AGBL1: variants seen among roughly 807,000 people sequenced by gnomAD.
The protein encoded by AGBL1 is cytosolic carboxypeptidase 4.
AGBL1 carries 130 observed loss-of-function variants against 118.9 expected under a neutral mutation model. That is an observed-to-expected ratio of 1.09 (90% CI 0.95 to 1.26). The LOEUF (loss-of-function observed/expected upper bound fraction) is 1.26, where lower values mean the gene tolerates loss of function less well. AGBL1 is among the 50% of genes most tolerant of loss of function. The probability of loss-of-function intolerance (pLI) is 0.00; values close to 1 mark genes in which losing one functional copy is unlikely to be tolerated. For missense variants in AGBL1, 1,584 were observed against 1,298.1 expected, an observed-to-expected ratio of 1.22 and a Z score of -3.38; for synonymous variants, 555 against 478.9, an observed-to-expected ratio of 1.16 and a Z score of -2.08.
chr15:86,979,816 TGAA>T (rs1377611544), intron 23 of AGBL1, among the ~76,000 whole-genome samples: 2 of 152,124 alleles, frequency 1.3e-5, no homozygotes, highest in Non-Finnish European at 2.9e-5. Context: ...GGCACTTTCT[TGAA>T]GAACTTGAAA....
At chr15:86,680,033 G>C (rs1280014312) in intron 22 of AGBL1, among the ~76,000 whole-genome samples, 1 of 152,038 alleles carries the variant, frequency 6.6e-6, no homozygotes, top group Non-Finnish European at 1.5e-5. Context: ...TTCCTAGGTA[G>C]GATACATCTG....
At chr15:86,084,750 A>C (rs533682574) in intron 1 of AGBL1, among the ~76,000 whole-genome samples, 22 of 152,302 alleles carry the variant, frequency 1.4e-4, no homozygotes, top group Middle Eastern at 6.8e-3. Context: ...TGATGAAGGA[A>C]GGTAATATTT....
chr15:86,495,635 T>C (rs1370178227), intron 18 of AGBL1, among the ~76,000 whole-genome samples: 1 of 152,012 alleles, frequency 6.6e-6, no homozygotes, highest in Admixed American at 6.6e-5. Context: ...ATGCTTGATT[T>C]CTAATTCAAT....
chr15:87,023,474 T>C (rs28570301), intron 24 of AGBL1, among the ~76,000 whole-genome samples: 6,204 of 152,104 alleles, frequency 0.041, 414 homozygotes, highest in African/African-American at 0.14. Flanking sequence ...AGCTCCCAAA[T>C]TTATAAAACA....
chr15:86,993,842 A>C (rs1218155854), intron 24 of AGBL1, among the ~76,000 whole-genome samples: 1 of 152,092 alleles, frequency 6.6e-6, no homozygotes, highest in Non-Finnish European at 1.5e-5. Flanking sequence ...CTGCTTTGCA[A>C]GGATAGCTCT....
intron 17 of AGBL1, chr15:86,296,486 A>C (rs943782629): frequency 7.9e-5 from 12 of 152,222 alleles, no homozygotes; most frequent in African/African-American, 2.7e-4. Flanking sequence ...TCTGAGGAAG[A>C]TACAGCCTTC....
chr15:86,353,972 T>C (rs774744425), intron 17 of AGBL1, among the ~76,000 whole-genome samples: 1 of 152,218 alleles, frequency 6.6e-6, no homozygotes, highest in Non-Finnish European at 1.5e-5. Flanking sequence ...CAAGACACAG[T>C]GTGCTGATAT....
At chr15:86,268,091 G>A (rs1303053840) in intron 13 of AGBL1, among the ~76,000 whole-genome samples, 13 of 152,166 alleles carry the variant, frequency 8.5e-5, no homozygotes, top group East Asian at 1.9e-4. Flanking sequence ...GTCAACATCC[G>A]TTCTTACTCA....
intron 1 of AGBL1, among the ~76,000 whole-genome samples, chr15:86,123,960 C>T (rs968500866): frequency 8.5e-5 from 13 of 152,224 alleles, no homozygotes; most frequent in Admixed American, 7.8e-4. Flanking sequence ...AACATGGTAA[C>T]TGGGTGGGAT....
chr15:86,368,848 A>T (rs923851638), intron 17 of AGBL1, among the ~76,000 whole-genome samples: 2 of 152,248 alleles, frequency 1.3e-5, no homozygotes, highest in African/African-American at 4.8e-5. Flanking sequence ...TATTCTGAAT[A>T]TCAAACAAAA....
At chr15:86,507,108 C>A (rs2082987121) in intron 18 of AGBL1, among the ~76,000 whole-genome samples, 1 of 151,962 alleles carries the variant, frequency 6.6e-6, no homozygotes, top group African/African-American at 2.4e-5. Context: ...AAAGACGCAG[C>A]CAAGCTACTA....
intron 22 of AGBL1, among the ~76,000 whole-genome samples, chr15:86,697,706 T>C (rs947974574): frequency 6.6e-6 from 1 of 151,914 alleles, no homozygotes; most frequent in African/African-American, 2.4e-5. Context: ...TCCTTTTCAT[T>C]TGGGTGGGCT....
intron 22 of AGBL1, among the ~76,000 whole-genome samples, chr15:86,752,725 T>G (rs1045761791): frequency 5.3e-5 from 8 of 152,104 alleles, no homozygotes; most frequent in Non-Finnish European, 8.8e-5. Context: ...AATAGATACC[T>G]TTGAAGCCAT....
chr15:86,186,146 TCTTA>T (rs2077629341), intron 5 of AGBL1, among the ~76,000 whole-genome samples: 1 of 152,070 alleles, frequency 6.6e-6, no homozygotes, highest in Non-Finnish European at 1.5e-5. Context: ...CGCGTTCTGT[TCTTA>T]CTTTTAAGTG....
chr15:86,507,692 T>C lies in AGBL1; in HGVS notation c.2556-15118T>C, dbSNP rs558183577. ...ACTTGAGAGAGTAAACCATGGATAT[T>C]TGGGGAAAGAGACTGCCAGGTAGAA... On this transcript the variant is annotated intron_variant, in intron 18 of 22. Coordinates refer to ENST00000614907, the MANE Select transcript of AGBL1 (RefSeq NM_001386094.1). Among the ~76,000 whole-genome samples the C allele has an allele frequency of 4.8e-4, 73 of 152,046 alleles. 1 individual carries two copies. The South Asian group carries it at 0.014, about 30-fold the overall frequency.
chr15:86,466,660 C>T (rs893837094), intron 18 of AGBL1, among the ~76,000 whole-genome samples: 4 of 152,276 alleles, frequency 2.6e-5, no homozygotes, highest in African/African-American at 9.6e-5. Flanking sequence ...CTGTTGGTGA[C>T]CTTCAGATGG....
At chr15:86,928,296 G>T (rs2080567201) in intron 23 of AGBL1, among the ~76,000 whole-genome samples, 1 of 152,250 alleles carries the variant, frequency 6.6e-6, no homozygotes, top group East Asian at 1.9e-4. Context: ...CAGGGCATAG[G>T]CACAGAGAGA....
intron 16 of AGBL1, among the ~76,000 whole-genome samples, chr15:86,291,570 C>T (rs745851259): frequency 2.0e-5 from 3 of 152,170 alleles, no homozygotes; most frequent in Admixed American, 6.6e-5. Flanking sequence ...CAAAACAGCA[C>T]ACATAGAAAG....
At chr15:86,492,847 C>T (rs931693756) in intron 18 of AGBL1, among the ~76,000 whole-genome samples, 2 of 152,060 alleles carry the variant, frequency 1.3e-5, no homozygotes, top group Non-Finnish European at 2.9e-5. Flanking sequence ...GTAGGACTAA[C>T]ATTCAGGAGG....
Sources: allele counts gnomAD v4.1 joint callset (sites outside exome capture counted in the v4.1 genomes callset), GRCh38; gene constraint gnomAD v4.1.1; transcripts MANE v1.5; gene names NCBI Gene and HGNC (gene_info 2026-07-23, HGNC 2026-07-21).